The following NELL1 variants were observed in gnomAD, a reference collection of about 807,000 sequenced individuals.
NELL1 encodes the protein neural EGFL like 1.
NELL1 carries 76 observed loss-of-function variants against 107.4 expected under a neutral mutation model. That is an observed-to-expected ratio of 0.71 (90% CI 0.59 to 0.86). The LOEUF is 0.86. Ranked by LOEUF, NELL1 falls within the 40% of genes least tolerant of loss-of-function variation. The probability of loss-of-function intolerance (pLI) is 0.00; values close to 1 mark genes in which losing one functional copy is unlikely to be tolerated. For synonymous variants in NELL1, 353 were observed against 341.2 expected, an observed-to-expected ratio of 1.03 and a Z score of -0.38; for missense variants, 1,024 against 1,005.5, an observed-to-expected ratio of 1.02 and a Z score of -0.25.
At chr11:21,285,643 A>G (rs1229874456) in intron 14 of NELL1, among the ~76,000 whole-genome samples, 1 of 152,186 alleles carries the variant, frequency 6.6e-6, no homozygotes, top group Non-Finnish European at 1.5e-5. Context: ...TGGACTCAAG[A>G]GTGTAGAGGT....
intron 15 of NELL1, among the ~76,000 whole-genome samples, chr11:21,523,606 G>T (rs191850881): frequency 5.0e-4 from 76 of 152,144 alleles, no homozygotes; most frequent in Middle Eastern, 3.4e-3. Context: ...GGTATTCTCT[G>T]CAGAACTTCA....
At chr11:21,543,675 T>C (rs1203219905) in intron 16 of NELL1, among the ~76,000 whole-genome samples, 1 of 152,042 alleles carries the variant, frequency 6.6e-6, no homozygotes, top group Non-Finnish European at 1.5e-5. Flanking sequence ...TTTCTAGTCC[T>C]GCCATACATA....
At chr11:20,795,175 T>C (rs551913467) in intron 3 of NELL1, among the ~76,000 whole-genome samples, 1 of 152,340 alleles carries the variant, frequency 6.6e-6, no homozygotes, top group South Asian at 2.1e-4. Context: ...TTTGTGTTTC[T>C]TTAAACGAGG....
At chr11:21,064,824 G>T (rs1159659492) in intron 12 of NELL1, among the ~76,000 whole-genome samples, 1 of 152,144 alleles carries the variant, frequency 6.6e-6, no homozygotes, top group Non-Finnish European at 1.5e-5. Context: ...TATAAAAATT[G>T]TAAAGCAGTT....
intron 15 of NELL1, among the ~76,000 whole-genome samples, chr11:21,405,816 C>G (rs542132797): frequency 1.5e-4 from 23 of 151,946 alleles, no homozygotes; most frequent in Admixed American, 1.5e-3. Context: ...TTTCCTTCCC[C>G]CAACCTTTCC....
At position 20,678,019 on chromosome 11, in the gene NELL1, T is replaced by A. The variant is rs772190440; in HGVS notation, c.143T>A (p.Val48Glu). 55 of 1,613,948 alleles carry A rather than the reference T, an allele frequency of 3.4e-5. 1 individual carries two copies. Among genetic ancestry groups the A allele is most frequent in the Non-Finnish European group, 6.8e-6 (8 of 1,179,998 alleles). ...LVNTTLGVAQ[V>E]SGMHNASKAF... ...AACACCACCCTTGGAGTTGCTCAGG[T>A]GTCTGGAATGCACAATGCCAGCAAA... The change falls in exon 2 of 20, where the codon GTG becomes GAG. Residue 48 changes from valine (V) to glutamate (E), a missense_variant. Val to Glu is a moderately radical substitution (Grantham distance 121). Transcript: ENST00000357134.
chr11:21,138,036 C>A (rs1748548071), intron 13 of NELL1, among the ~76,000 whole-genome samples: 1 of 152,108 alleles, frequency 6.6e-6, no homozygotes, highest in Admixed American at 6.5e-5. Context: ...ATTCTCAGCA[C>A]TTTGTTTGGC....
At chr11:21,041,608 C>T (rs370150088) in intron 12 of NELL1, among the ~76,000 whole-genome samples, 1 of 152,130 alleles carries the variant, frequency 6.6e-6, no homozygotes, top group African/African-American at 2.4e-5. Context: ...GATTTGAGCT[C>T]ACCTGGGTCT....
intron 15 of NELL1, among the ~76,000 whole-genome samples, chr11:21,459,243 T>G (rs955864910): frequency 6.6e-6 from 1 of 151,276 alleles, no homozygotes; most frequent in African/African-American, 2.4e-5. Flanking sequence ...CATTACTTAC[T>G]TGTAGGTCCA....
chr11:21,229,129 CTG>C (rs985299180), intron 13 of NELL1, among the ~76,000 whole-genome samples: 9 of 152,120 alleles, frequency 5.9e-5, no homozygotes, highest in Non-Finnish European at 1.3e-4. Flanking sequence ...TTCTCTGATA[CTG>C]TTTCTTTACC....
At chr11:21,282,137 A>G (rs553877078) in intron 14 of NELL1, among the ~76,000 whole-genome samples, 260 of 152,340 alleles carry the variant, frequency 1.7e-3, no homozygotes, top group Admixed American at 3.2e-3. Context: ...AAGGATCTCA[A>G]ACAACTCTAT....
At chr11:20,715,318 T>TAA (rs796234468) in intron 2 of NELL1, among the ~76,000 whole-genome samples, 5,429 of 150,066 alleles carry the variant, frequency 0.036, 146 homozygotes, top group African/African-American at 0.063. Flanking sequence ...TTTTTTTTTT[T>TAA]AAAGAATGAT....
intron 2 of NELL1, among the ~76,000 whole-genome samples, chr11:20,745,613 A>G (rs1376806499): frequency 6.6e-6 from 1 of 152,214 alleles, no homozygotes; most frequent in African/African-American, 2.4e-5. Context: ...GGTTACTAGT[A>G]AGTAATCTTT....
At chr11:20,745,718 A>G (rs1209227575) in intron 2 of NELL1, among the ~76,000 whole-genome samples, 2 of 152,200 alleles carry the variant, frequency 1.3e-5, no homozygotes, top group African/African-American at 2.4e-5. Flanking sequence ...AGACCCATCA[A>G]GACAACCCTT....
At chr11:21,416,197 AATTG>A (rs1564883853) in intron 15 of NELL1, among the ~76,000 whole-genome samples, 1 of 152,096 alleles carries the variant, frequency 6.6e-6, no homozygotes, top group Admixed American at 6.6e-5. Context: ...TCTTGACTGT[AATTG>A]ATCTACTTTG....
At chr11:21,284,908 T>A (rs2133952139) in intron 14 of NELL1, 1 of 247,770 alleles carries the variant, frequency 4.0e-6, no homozygotes, top group Non-Finnish European at 8.0e-6. Context: ...ACATTGGACA[T>A]CATTCAAAAC....
intron 15 of NELL1, among the ~76,000 whole-genome samples, chr11:21,390,510 A>AACACACAC (rs60248049): frequency 4.5e-4 from 64 of 142,840 alleles, no homozygotes; most frequent in African/African-American, 6.6e-4. Flanking sequence ...TGTGTGGATG[A>AACACACAC]ACACACACAC....
intron 12 of NELL1, among the ~76,000 whole-genome samples, chr11:20,995,435 G>A (rs750713787): frequency 3.9e-5 from 6 of 152,004 alleles, no homozygotes; most frequent in South Asian, 2.1e-4. Context: ...AAAATTAGCC[G>A]CACGTGGTGG....
At chr11:20,988,244 G>T (rs527431725) in intron 12 of NELL1, among the ~76,000 whole-genome samples, 71 of 152,222 alleles carry the variant, frequency 4.7e-4, no homozygotes, top group African/African-American at 1.6e-3. Context: ...CTGGGTAGAA[G>T]TTCATCATCT....
Sources: allele counts gnomAD v4.1 joint callset (sites outside exome capture counted in the v4.1 genomes callset), GRCh38; gene constraint gnomAD v4.1.1; transcripts MANE v1.5; gene names NCBI Gene and HGNC (gene_info 2026-07-23, HGNC 2026-07-21).